TUBA3C: variants seen among roughly 807,000 people sequenced by gnomAD.
The protein encoded by TUBA3C is tubulin alpha-3C chain.
Under a neutral mutation model 33.4 loss-of-function variants are expected in TUBA3C, and 23 were observed. That is an observed-to-expected ratio of 0.69 (90% CI 0.50 to 0.98). TUBA3C has a LOEUF of 0.98. Among genes scored for constraint, TUBA3C ranks in the 50% least tolerant of loss-of-function variants. TUBA3C has a pLI of 0.00. For missense variants in TUBA3C, 402 were observed against 616.0 expected (o/e 0.65, Z 3.68); for synonymous variants, 269 against 250.4 (o/e 1.07, Z -0.70).
chr13:19,175,414 G>T (rs969036959), intron 4 of TUBA3C, among the ~76,000 whole-genome samples: 1 of 152,306 alleles, frequency 6.6e-6, no homozygotes, highest in South Asian at 2.1e-4. Context: ...TTTATCAATA[G>T]TTGGTTACTA....
chr13:19,176,837 C>A, intron 4 of TUBA3C, 90 bp downstream of exon 4: 1 of 1,409,330 alleles, frequency 7.1e-7, no homozygotes, highest in Non-Finnish European at 9.5e-7. Flanking sequence ...GGGTAGTATC[C>A]TCAAAGGATG....
chr13:19,179,279 C>A (rs773380702), intron 2 of TUBA3C, 62 bp downstream of exon 2: 2 of 1,600,928 alleles, frequency 1.2e-6, no homozygotes, highest in South Asian at 1.1e-5. Flanking sequence ...CCACATGGGG[C>A]CTTACCGACG....
Position 19,177,192 on chromosome 13 carries a change from C to T in TUBA3C, c.791G>A (p.Arg264His), listed in dbSNP as rs1191887593. ...EFQTNLVPYP[R>H]IHFPLATYAP... ...GTAGGTGGCCAGGGGGAAGTGGATG[C>T]GGGGGTACGGCACTAGGTTGGTCTG... The change falls in exon 4 of 5, where the codon CGC (arginine) becomes CAC (histidine). Residue 264 changes from arginine to histidine, a missense_variant. Physicochemically the swap from Arg to His is conservative, Grantham distance 29. Coordinates refer to ENST00000400113, the MANE Select transcript of TUBA3C (RefSeq NM_006001.3). This position sits in a 1 kb window ranked among gnomAD's most constrained non-coding sequence, Gnocchi z 5.0. The T allele has an allele frequency of 4.3e-6, 7 of 1,613,970 alleles. No individual in the cohort carries two copies. Among genetic ancestry groups the T allele is most frequent in the Admixed American group, 1.7e-5 (1 of 60,000 alleles).
Position 19,173,889 on chromosome 13 carries a change from C to G in TUBA3C, c.1327G>C (p.Glu443Gln), listed in dbSNP as rs1035259651. Residue 443 changes from glutamate (E) to glutamine (Q), a missense_variant, in exon 5 of 5, where the codon GAG becomes CAG. By Grantham distance (29) the Glu-to-Gln change is conservative. Coordinates refer to ENST00000400113, the MANE Select transcript of TUBA3C (RefSeq NM_006001.3). ...EEVGVDSVEAEAEEGEEY is the reference protein window; with the variant it reads ...EEVGVDSVEAQAEEGEEY ...CAGTATTCTTCACCTTCTTCAGCCT[C>G]GGCTTCCACGGAATCCACGCCCACC... 3.6e-5 allele frequency: 58 copies of G among 1,613,908 alleles called. No homozygotes were observed. Among genetic ancestry groups the G allele is most frequent in the Non-Finnish European group, 4.5e-5 (53 of 1,179,970 alleles).
In TUBA3C at chr13:19,181,739, C is replaced by T. The variant is rs770104211; in HGVS notation, c.3+6G>A. ...CGTCTGCGGGGTGGGAGTGACCTGGCCTTACCATGTTGAGCTCCTCCGCTG... is the reference window on the plus strand; with the variant it reads ...CGTCTGCGGGGTGGGAGTGACCTGGTCTTACCATGTTGAGCTCCTCCGCTG... On this transcript the variant is annotated splice_donor_region_variant and intron_variant, in intron 1 of 4. Coordinates refer to ENST00000400113, the MANE Select transcript of TUBA3C (RefSeq NM_006001.3). The T allele has an allele frequency of 3.7e-6, 6 of 1,602,390 alleles. No individual in the cohort carries two copies. The highest frequency in any genetic ancestry group is 2.2e-5 in the East Asian group (1 of 44,876).
chr13:19,178,963 C>T (rs1278289347), intron 2 of TUBA3C, among the ~76,000 whole-genome samples: 1 of 152,176 alleles, frequency 6.6e-6, no homozygotes, highest in African/African-American at 2.4e-5. Flanking sequence ...TGTACTTAAC[C>T]TTCTATGCCT....
intron 4 of TUBA3C, among the ~76,000 whole-genome samples, chr13:19,174,787 C>T (rs1056371296): frequency 1.2e-4 from 19 of 152,176 alleles, no homozygotes; most frequent in African/African-American, 4.3e-4. Flanking sequence ...TGGCAAGACC[C>T]TGTCTCTACC....
intron 1 of TUBA3C, among the ~76,000 whole-genome samples, chr13:19,181,123 A>G (rs1333914408): frequency 6.7e-6 from 1 of 149,636 alleles, no homozygotes; most frequent in South Asian, 2.1e-4. Context: ...CACCATCATG[A>G]CTCACTGCGG....
At chr13:19,176,208 C>A (rs1428840337) in intron 4 of TUBA3C, among the ~76,000 whole-genome samples, 3 of 152,044 alleles carry the variant, frequency 2.0e-5, no homozygotes, top group Non-Finnish European at 4.4e-5. Flanking sequence ...CACTTAAGAC[C>A]AGGAATTTGA....
chr13:19,174,170 A>G lies in TUBA3C; in HGVS notation c.1057-11T>C. On this transcript the variant is annotated splice_polypyrimidine_tract_variant and intron_variant, in intron 4 of 4. Coordinates refer to ENST00000400113, the MANE Select transcript of TUBA3C (RefSeq NM_006001.3). The stretch of plus-strand genomic sequence containing the variant: ...GTAGTTAATGCCCACCTGCCGGAGA[A>G]GAGGAAGAAACAGTCCATGAAGCTT... The G allele has an allele frequency of 6.2e-7, 1 of 1,607,398 alleles. No individual in the cohort carries two copies.
chr13:19,177,375 A>G lies in TUBA3C; in HGVS notation c.608T>C (p.Met203Thr), dbSNP rs1026086832. Reference protein sequence around the residue: ...TTLEHSDCAFMVDNEAIYDIC... With the variant: ...TTLEHSDCAFTVDNEAIYDIC... Reference sequence around the variant, plus strand: ...GTCATAGATGGCTTCATTGTCGACCATGAAGGCACAGTCAGAATGTTCCAG... The same window carrying G: ...GTCATAGATGGCTTCATTGTCGACCGTGAAGGCACAGTCAGAATGTTCCAG... The change falls in exon 4 of 5, where the codon ATG (methionine) becomes ACG (threonine). Residue 203 changes from methionine (M) to threonine (T), a missense_variant. Physicochemically the swap from Met to Thr is moderately conservative, Grantham distance 81. Coordinates refer to ENST00000400113, the MANE Select transcript of TUBA3C (RefSeq NM_006001.3). The surrounding 1 kb of genome is among the most constrained non-coding windows in gnomAD (Gnocchi z 5.0). The G allele has an allele frequency of 6.2e-7, 1 of 1,614,076 alleles. No homozygotes were observed. Among genetic ancestry groups the G allele is most frequent in the Admixed American group, 1.7e-5 (1 of 60,008 alleles).
In TUBA3C at chr13:19,177,894, C is replaced by T. The variant is rs907507916; in HGVS notation, c.376-287G>A. 1.3e-5 allele frequency among the ~76,000 whole-genome samples: 2 copies of T among 150,338 alleles called. No individual in the cohort carries two copies. The highest frequency in any genetic ancestry group is 3.0e-5 in the Non-Finnish European group (2 of 67,772). On this transcript the variant is annotated intron_variant, in intron 3 of 4. Coordinates refer to ENST00000400113, the MANE Select transcript of TUBA3C (RefSeq NM_006001.3). This position sits in a 1 kb window ranked among gnomAD's most constrained non-coding sequence, Gnocchi z 5.0. Reference sequence around the variant, plus strand: ...TAGAATCTCACTCTGTTGCCCAGGCCGGAGGGCAGTGGCATGAACTCCGCT... The same window carrying T: ...TAGAATCTCACTCTGTTGCCCAGGCTGGAGGGCAGTGGCATGAACTCCGCT...
In TUBA3C at chr13:19,178,295, G is replaced by GT. The variant is rs1392059417; in HGVS notation, c.325dup (p.Thr109AsnfsTer91). 6.2e-7 allele frequency: 1 copy of GT among 1,614,220 alleles called. No homozygotes were observed. The highest frequency in any genetic ancestry group is 2.2e-5 in the East Asian group (1 of 44,880). Reference sequence around the variant, plus strand: ...CAGGTCGACGATCTCCTTGCCGATGGTGTAATGGCCTCTGGCGTAATTATT... The same window carrying GT: ...CAGGTCGACGATCTCCTTGCCGATGGTTGTAATGGCCTCTGGCGTAATTATT... On this transcript the variant is annotated frameshift_variant, in exon 3 of 5. Transcript: ENST00000400113. LOFTEE classifies it high-confidence loss of function.
chr13:19,176,662 A>T (rs1393037509), intron 4 of TUBA3C, among the ~76,000 whole-genome samples: 1 of 132,202 alleles, frequency 7.6e-6, no homozygotes, highest in Non-Finnish European at 1.6e-5. Flanking sequence ...GCTGATGGAG[A>T]TTGCAGTGAG....
At chr13:19,175,121 G>A (rs1364238678) in intron 4 of TUBA3C, among the ~76,000 whole-genome samples, 8 of 151,444 alleles carry the variant, frequency 5.3e-5, no homozygotes, top group East Asian at 2.0e-4. Flanking sequence ...GTGTGGTGGC[G>A]GGCGCCTGTA....
At chr13:19,174,359 C>T (rs968308430) in intron 4 of TUBA3C, among the ~76,000 whole-genome samples, 200 bp from the exon 5 acceptor site, 2 of 152,068 alleles carry the variant, frequency 1.3e-5, no homozygotes, top group African/African-American at 4.8e-5. Flanking sequence ...GCCTCAAACT[C>T]CTGGGCCCAA....
At chr13:19,175,961 G>A (rs1225742804) in intron 4 of TUBA3C, among the ~76,000 whole-genome samples, 13 of 152,106 alleles carry the variant, frequency 8.5e-5, no homozygotes, top group Non-Finnish European at 1.5e-5. Flanking sequence ...CCAGGCTGGT[G>A]TCAAACTCCT....
In TUBA3C at chr13:19,177,847, T is replaced by C. The variant is rs1475047393; in HGVS notation, c.376-240A>G. On this transcript the variant is annotated intron_variant, in intron 3 of 4. Transcript: ENST00000400113. The surrounding 1 kb of genome is among the most constrained non-coding windows in gnomAD (Gnocchi z 5.0). ...GGACTCAAGATACTGTTCTAAGTTG[T>C]TTTTTTTTTTTTTTTTTTAGATAGA... Among the ~76,000 whole-genome samples, 11 of 16,608 alleles carry C rather than the reference T, an allele frequency of 6.6e-4. No individual in the cohort carries two copies. Among genetic ancestry groups the C allele is most frequent in the Admixed American group, 1.1e-3 (2 of 1,788 alleles). The allele number at this position is 16,608 out of a possible 152,430, so 10.9% of individuals were successfully genotyped here.
At chr13:19,178,543 A>G in intron 2 of TUBA3C, 149 bp from the exon 3 acceptor site, 1 of 1,165,404 alleles carries the variant, frequency 8.6e-7, no homozygotes, top group Non-Finnish European at 1.2e-6. Flanking sequence ...TGTCTGGTAG[A>G]AAATGTCTCT....
Sources: allele counts gnomAD v4.1 joint callset (sites outside exome capture counted in the v4.1 genomes callset), GRCh38; gene constraint gnomAD v4.1.1; non-coding constraint Gnocchi (gnomAD v3.1); transcripts MANE v1.5; gene names NCBI Gene and HGNC (gene_info 2026-07-23, HGNC 2026-07-21).